UTRN: variants seen among roughly 807,000 people sequenced by gnomAD.
UTRN encodes the protein dystrophin-related protein 1.
In UTRN, 283 loss-of-function variants were observed where a neutral mutation model predicts 463.9. That is an observed-to-expected ratio of 0.61 (90% confidence interval 0.55 to 0.67). The LOEUF (loss-of-function observed/expected upper bound fraction) is 0.67. Among genes scored for constraint, UTRN ranks in the 30% least tolerant of loss-of-function variants. The pLI is 0.00. For missense variants in UTRN, 3,922 were observed against 4,084.3 expected (o/e 0.96, Z 1.08); for synonymous variants, 1,442 against 1,431.5 (o/e 1.01, Z -0.17).
At chr6:144,416,550 C>A (rs1335759508) in intron 3 of UTRN, among the ~76,000 whole-genome samples, 1 of 152,176 alleles carries the variant, frequency 6.6e-6, no homozygotes, top group Non-Finnish European at 1.5e-5. Context: ...CCTTTGTGCT[C>A]TAACATTTTA....
intron 32 of UTRN, among the ~76,000 whole-genome samples, chr6:144,491,747 T>A (rs10080758): frequency 0.029 from 4,342 of 152,258 alleles, 201 homozygotes; most frequent in African/African-American, 0.098. Context: ...GGATAAATTT[T>A]AATATATATG....
At chr6:144,722,174 C>T (rs1243142043) in intron 53 of UTRN, among the ~76,000 whole-genome samples, 2 of 152,154 alleles carry the variant, frequency 1.3e-5, no homozygotes, top group African/African-American at 4.8e-5. Context: ...AAGCAATCAC[C>T]CTCATTCTTC....
At chr6:144,715,181 T>A (rs1028151423) in intron 53 of UTRN, among the ~76,000 whole-genome samples, 1 of 152,160 alleles carries the variant, frequency 6.6e-6, no homozygotes, top group Non-Finnish European at 1.5e-5. Context: ...CTATAACATG[T>A]TCTACCCAGC....
chr6:144,373,669 C>T (rs767767322), intron 2 of UTRN, among the ~76,000 whole-genome samples: 5 of 152,140 alleles, frequency 3.3e-5, no homozygotes, highest in South Asian at 2.1e-4. Flanking sequence ...GATTTTATGG[C>T]GTGTGAATTA....
intron 64 of UTRN, among the ~76,000 whole-genome samples, chr6:144,800,916 T>C (rs1777647790): frequency 6.6e-6 from 1 of 152,280 alleles, no homozygotes; most frequent in East Asian, 1.9e-4. Context: ...ACGCATAGTG[T>C]GCTTTAGCAA....
chr6:144,387,821 A>G (rs746255648), intron 2 of UTRN, among the ~76,000 whole-genome samples: 1 of 152,186 alleles, frequency 6.6e-6, no homozygotes, highest in African/African-American at 2.4e-5. Flanking sequence ...TGGCATCTAC[A>G]GTATCTCCCT....
intron 22 of UTRN, among the ~76,000 whole-genome samples, chr6:144,462,060 C>T (rs548786095): frequency 6.6e-6 from 1 of 152,242 alleles, no homozygotes; most frequent in East Asian, 1.9e-4. Flanking sequence ...TCCCTCCCAC[C>T]ATGCCCCACC....
Position 144,474,626 on chromosome 6 carries a change from C to T in UTRN, c.3203C>T (p.Thr1068Ile). Residue 1068 changes from threonine (T) to isoleucine (I), a missense_variant, in exon 25 of 75, where the codon ACA becomes ATA. Physicochemically the swap from Thr to Ile is moderately conservative, Grantham distance 89. Around this residue, in one of 3 missense-constraint regions of UTRN, gnomAD observed 2,349 missense variants for 2,303.8 expected, o/e 1.02. Transcript: ENST00000367545. The stretch of plus-strand genomic sequence containing the variant: ...TAGGCATTTGTTAATGAAATAGAAA[C>T]AATTGAATCATCTCTGAAAAACATG... Reference protein sequence around the residue: ...QCSAFVNEIETIESSLKNMKE... With the variant: ...QCSAFVNEIEIIESSLKNMKE... 1.9e-6 allele frequency: 3 copies of T among 1,612,614 alleles called. No individual in the cohort carries two copies. The highest frequency in any genetic ancestry group is 2.5e-6 in the Non-Finnish European group (3 of 1,179,492).
chr6:144,765,885 A>AT (rs139005658), intron 58 of UTRN, among the ~76,000 whole-genome samples: 365 of 150,508 alleles, frequency 2.4e-3, no homozygotes, highest in African/African-American at 8.4e-3. Context: ...TTTGGACAGA[A>AT]TTTTTTTTTT....
At chr6:144,729,522 G>A (rs1263564408) in intron 53 of UTRN, among the ~76,000 whole-genome samples, 1 of 152,178 alleles carries the variant, frequency 6.6e-6, no homozygotes, top group Non-Finnish European at 1.5e-5. Context: ...AAATACTAGA[G>A]CCAGTAGGTG....
At chr6:144,492,835 C>G (rs1585001703) in intron 32 of UTRN, among the ~76,000 whole-genome samples, 2 of 152,178 alleles carry the variant, frequency 1.3e-5, no homozygotes, top group East Asian at 3.9e-4. Context: ...TATATATGTT[C>G]ATTGTGGTAG....
At chr6:144,698,732 G>A (rs1784268827) in intron 52 of UTRN, among the ~76,000 whole-genome samples, 2 of 152,184 alleles carry the variant, frequency 1.3e-5, no homozygotes, top group Non-Finnish European at 2.9e-5. Context: ...GAGCAAAAAA[G>A]GAACATGTGC....
At chr6:144,653,782 A>G (rs1779061201) in intron 51 of UTRN, among the ~76,000 whole-genome samples, 1 of 152,134 alleles carries the variant, frequency 6.6e-6, no homozygotes, top group South Asian at 2.1e-4. Flanking sequence ...CTAGTGATAG[A>G]ATTTCTGAGT....
intron 2 of UTRN, among the ~76,000 whole-genome samples, chr6:144,380,659 T>A (rs896759056): frequency 1.3e-4 from 19 of 151,918 alleles, no homozygotes; most frequent in East Asian, 1.9e-4. Context: ...ATAATTTTTT[T>A]AAAATATTAG....
chr6:144,365,318 T>C (rs991429259), intron 2 of UTRN, among the ~76,000 whole-genome samples: 2 of 152,190 alleles, frequency 1.3e-5, no homozygotes, highest in Non-Finnish European at 2.9e-5. Flanking sequence ...TTATGATGCA[T>C]ATGTTTGTCT....
At chr6:144,475,149 G>C (rs1791059731) in intron 25 of UTRN, among the ~76,000 whole-genome samples, 2 of 152,234 alleles carry the variant, frequency 1.3e-5, no homozygotes, top group South Asian at 4.1e-4. Context: ...CTCTTAAGGA[G>C]CTTACATTCT....
chr6:144,475,077 C>T (rs1471407460), intron 25 of UTRN, among the ~76,000 whole-genome samples: 1 of 152,106 alleles, frequency 6.6e-6, no homozygotes, highest in Admixed American at 6.5e-5. Flanking sequence ...TAATCAGTTG[C>T]CACCTGTCAA....
At chr6:144,672,372 G>A (rs1332027013) in intron 51 of UTRN, among the ~76,000 whole-genome samples, 3 of 151,296 alleles carry the variant, frequency 2.0e-5, no homozygotes, top group African/African-American at 7.3e-5. Flanking sequence ...CTTTCTTCCT[G>A]GTTTAATTTA....
At chr6:144,509,597 T>TA (rs1159891246) in intron 34 of UTRN, among the ~76,000 whole-genome samples, 12 of 152,088 alleles carry the variant, frequency 7.9e-5, no homozygotes, top group Admixed American at 5.2e-4. Context: ...GAAACATCAG[T>TA]ATATATTAAT....
Sources: allele counts gnomAD v4.1 joint callset (sites outside exome capture counted in the v4.1 genomes callset), GRCh38; gene constraint gnomAD v4.1.1; regional missense constraint gnomAD v4.1.1; transcripts MANE v1.5; gene names NCBI Gene and HGNC (gene_info 2026-07-23, HGNC 2026-07-21).